The following PLXDC2 variants were observed in gnomAD, a reference collection of about 807,000 sequenced individuals.
PLXDC2 encodes the protein plexin domain-containing protein 2.
A neutral mutation model predicts 68.9 loss-of-function variants in PLXDC2; 40 were observed. The observed-to-expected ratio is 0.58, with a 90% confidence interval of 0.45 to 0.76. The LOEUF (loss-of-function observed/expected upper bound fraction) is 0.76. Among genes scored for constraint, PLXDC2 ranks in the 30% least tolerant of loss-of-function variants. PLXDC2 has a pLI of 0.00. For synonymous variants in PLXDC2, 243 were observed against 234.2 expected (o/e 1.04, Z -0.34); for missense variants, 644 against 661.9 (o/e 0.97, Z 0.30).
chr10:20,197,396 A>C (rs1589676235), intron 9 of PLXDC2, among the ~76,000 whole-genome samples: 1 of 152,142 alleles, frequency 6.6e-6, no homozygotes, highest in East Asian at 1.9e-4. Context: ...TTGCTCTGTC[A>C]GCAGGCTGGA....
chr10:19,856,657 C>G (rs765563175), intron 1 of PLXDC2, among the ~76,000 whole-genome samples: 11 of 152,154 alleles, frequency 7.2e-5, no homozygotes, highest in South Asian at 2.1e-4. Context: ...CCTGACAGCT[C>G]AACACTGGCA....
In PLXDC2 at chr10:20,014,256, CCT is replaced by C. The variant is rs549619683; in HGVS notation, c.324+12277_324+12278del. Among the ~76,000 whole-genome samples, 112 of 137,932 alleles carry C rather than the reference CCT, an allele frequency of 8.1e-4. 5 individuals carry two copies. The South Asian group carries it at 0.026, about 32-fold the overall frequency. 90.5% of individuals were successfully genotyped at this position (137,932 alleles called of 152,430 possible). ...TCCCTCCTTCCTTCCTTCCTCTCTC[CCT>C]CTCTCTTTCTCTCCTTCCTTCCTTT... On this transcript the variant is annotated intron_variant, in intron 2 of 13. Transcript: ENST00000377252.
chr10:19,941,832 G>A (rs1300225943), intron 1 of PLXDC2, among the ~76,000 whole-genome samples: 1 of 152,078 alleles, frequency 6.6e-6, no homozygotes, highest in African/African-American at 2.4e-5. Flanking sequence ...ATTATGTACT[G>A]TGGATTGTTT....
intron 1 of PLXDC2, among the ~76,000 whole-genome samples, chr10:19,833,718 G>A (rs531596546): frequency 3.9e-4 from 60 of 152,310 alleles, no homozygotes; most frequent in African/African-American, 1.4e-3. Context: ...TCCCTTGGAT[G>A]ATAAGTTAAC....
chr10:19,843,941 A>G (rs1192328978), intron 1 of PLXDC2, among the ~76,000 whole-genome samples: 1 of 152,222 alleles, frequency 6.6e-6, no homozygotes. Context: ...AGTGTTCCCA[A>G]TACATAAAAA....
chr10:19,907,401 A>G (rs1833184052), intron 1 of PLXDC2, among the ~76,000 whole-genome samples: 3 of 152,168 alleles, frequency 2.0e-5, no homozygotes. Flanking sequence ...CCTTCACAGT[A>G]TGTAGGAAAA....
At chr10:20,136,356 G>A (rs1383616211) in intron 4 of PLXDC2, among the ~76,000 whole-genome samples, 2 of 152,152 alleles carry the variant, frequency 1.3e-5, no homozygotes, top group Non-Finnish European at 2.9e-5. Context: ...AATCTGACAA[G>A]TATTTGTATT....
At chr10:20,158,258 A>G (rs1411344459) in intron 6 of PLXDC2, among the ~76,000 whole-genome samples, 3 of 152,088 alleles carry the variant, frequency 2.0e-5, no homozygotes, top group East Asian at 3.9e-4. Context: ...CCATATGTTC[A>G]TTGACTTTGG....
chr10:20,260,450 C>T (rs1431022605), intron 13 of PLXDC2, among the ~76,000 whole-genome samples: 4 of 152,140 alleles, frequency 2.6e-5, no homozygotes, highest in Non-Finnish European at 4.4e-5. Flanking sequence ...CATGCAGTAT[C>T]TTTCTTTCTA....
chr10:19,836,118 A>C (rs1836787256), intron 1 of PLXDC2, among the ~76,000 whole-genome samples: 2 of 152,066 alleles, frequency 1.3e-5, no homozygotes, highest in Admixed American at 6.6e-5. Context: ...TTGAGGCTGC[A>C]GTGAGCCAAG....
chr10:20,187,406 A>G (rs1276803544), intron 9 of PLXDC2, among the ~76,000 whole-genome samples: 1 of 151,888 alleles, frequency 6.6e-6, no homozygotes, highest in African/African-American at 2.4e-5. Context: ...ATATTTTAAT[A>G]CAGGTATACA....
intron 6 of PLXDC2, among the ~76,000 whole-genome samples, chr10:20,163,608 C>T (rs1208903645): frequency 6.6e-6 from 1 of 152,146 alleles, no homozygotes; most frequent in East Asian, 1.9e-4. Flanking sequence ...TTTTCTTTTA[C>T]TTTCCTGTTT....
intron 1 of PLXDC2, among the ~76,000 whole-genome samples, chr10:19,880,998 AG>A (rs1295923610): frequency 1.2e-4 from 18 of 152,262 alleles, no homozygotes; most frequent in African/African-American, 2.2e-4. Flanking sequence ...ATTTAAAATT[AG>A]GTTGTGCTCA....
intron 1 of PLXDC2, among the ~76,000 whole-genome samples, chr10:19,899,308 A>G (rs984740067): frequency 6.6e-6 from 1 of 152,218 alleles, no homozygotes; most frequent in African/African-American, 2.4e-5. Context: ...CTTAAGGAAT[A>G]AGAATAAGTT....
intron 12 of PLXDC2, among the ~76,000 whole-genome samples, chr10:20,238,564 C>G (rs1394291718): frequency 6.7e-6 from 1 of 149,650 alleles, no homozygotes; most frequent in Non-Finnish European, 1.5e-5. Context: ...GGAGAATTAC[C>G]TGAATCCGGG....
intron 4 of PLXDC2, among the ~76,000 whole-genome samples, chr10:20,109,133 G>T (rs935876331): frequency 6.6e-6 from 1 of 152,134 alleles, no homozygotes; most frequent in African/African-American, 2.4e-5. Flanking sequence ...AGGCGGTTAC[G>T]ATATTTATTT....
At chr10:20,197,601 C>A (rs912720742) in intron 9 of PLXDC2, among the ~76,000 whole-genome samples, 1 of 152,088 alleles carries the variant, frequency 6.6e-6, no homozygotes, top group Non-Finnish European at 1.5e-5. Flanking sequence ...CGTGATCCAC[C>A]CACCTTGGCC....
Position 20,283,212 on chromosome 10 carries a change from A to G in PLXDC2, c.*3393A>G, listed in dbSNP as rs1836104014. 6.6e-6 allele frequency: 1 copy of G among 152,222 alleles called. No individual in the cohort carries two copies. The highest frequency in any genetic ancestry group is 2.1e-4 in the South Asian group (1 of 4,834). 9.4% of individuals were successfully genotyped at this position (152,222 alleles called of 1,614,324 possible). A position where few individuals can be genotyped will look rare whatever the true frequency, so the allele number is the denominator to read the frequency against. On this transcript the variant is annotated 3_prime_UTR_variant, in exon 14 of 14. Transcript: ENST00000377252. ...AGAGGCCCTATGGAGTAATGAAAAA[A>G]ATACAAGCTGACACAGCTTTAAATC...
intron 2 of PLXDC2, among the ~76,000 whole-genome samples, chr10:20,044,207 C>CTCTCTT (rs1564293827): frequency 3.3e-4 from 30 of 90,000 alleles, no homozygotes; most frequent in Non-Finnish European, 5.5e-4. Flanking sequence ...CTCTCTCTCT[C>CTCTCTT]TCTGTCTTTC....
Sources: allele counts gnomAD v4.1 joint callset (sites outside exome capture counted in the v4.1 genomes callset), GRCh38; gene constraint gnomAD v4.1.1; transcripts MANE v1.5; gene names NCBI Gene and HGNC (gene_info 2026-07-23, HGNC 2026-07-21).